The following ERC2 variants were observed in gnomAD, a reference collection of about 807,000 sequenced individuals.
The protein encoded by ERC2 is ELKS/RAB6-interacting/CAST family member 2, also known as ERC protein 2.
In ERC2, 42 loss-of-function variants were observed where a neutral mutation model predicts 114.8. That is an observed-to-expected ratio of 0.37 (90% CI 0.29 to 0.47). ERC2 has a LOEUF of 0.47. Among genes scored for constraint, ERC2 ranks in the 20% least tolerant of loss-of-function variants. ERC2 has a pLI of 0.99. For synonymous variants in ERC2, 454 were observed against 425.5 expected, an observed-to-expected ratio of 1.07 and a Z score of -0.82; for missense variants, 939 against 1,150.7, an observed-to-expected ratio of 0.82 and a Z score of 2.66.
At chr3:55,780,878 T>C (rs1387415250) in intron 14 of ERC2, among the ~76,000 whole-genome samples, 3 of 152,174 alleles carry the variant, frequency 2.0e-5, no homozygotes, top group Non-Finnish European at 4.4e-5. Flanking sequence ...AGCCCTGTGT[T>C]GTGTGATAGC....
At chr3:55,706,340 T>A (rs1286894615) in intron 15 of ERC2, among the ~76,000 whole-genome samples, 2 of 151,924 alleles carry the variant, frequency 1.3e-5, no homozygotes, top group Non-Finnish European at 2.9e-5. Context: ...CTACCTGCAG[T>A]AAAAGCTTGT....
chr3:55,813,266 T>C (rs1174535915), intron 14 of ERC2, among the ~76,000 whole-genome samples: 1 of 152,204 alleles, frequency 6.6e-6, no homozygotes, highest in Non-Finnish European at 1.5e-5. Flanking sequence ...CTAGCCACAC[T>C]GGGCTATTTA....
At chr3:55,625,711 A>G (rs1315606313) in intron 17 of ERC2, among the ~76,000 whole-genome samples, 2 of 152,146 alleles carry the variant, frequency 1.3e-5, no homozygotes, top group Non-Finnish European at 2.9e-5. Context: ...AGATCGCGCC[A>G]CTGCACTCCA....
intron 2 of ERC2, among the ~76,000 whole-genome samples, chr3:56,384,284 T>A (rs2059857568): frequency 6.6e-6 from 1 of 152,182 alleles, no homozygotes; most frequent in Non-Finnish European, 1.5e-5. Context: ...GCCATACTGT[T>A]TTCTGTAGCA....
At chr3:55,884,912 C>T (rs1300235898) in intron 14 of ERC2, among the ~76,000 whole-genome samples, 2 of 152,074 alleles carry the variant, frequency 1.3e-5, no homozygotes, top group Non-Finnish European at 2.9e-5. Flanking sequence ...AATCTTATCC[C>T]TACAAGAGTT....
At chr3:56,077,410 T>C (rs2077024542) in intron 7 of ERC2, among the ~76,000 whole-genome samples, 2 of 152,224 alleles carry the variant, frequency 1.3e-5, no homozygotes, top group Admixed American at 6.5e-5. Context: ...CAACAAGTGA[T>C]ATCATAATCA....
chr3:55,753,205 G>T (rs1465328948), intron 14 of ERC2, among the ~76,000 whole-genome samples: 1 of 152,062 alleles, frequency 6.6e-6, no homozygotes, highest in Non-Finnish European at 1.5e-5. Context: ...GGGGAGAGAA[G>T]TCTGAACCTT....
chr3:56,103,367 T>C (rs1000815101), intron 6 of ERC2, among the ~76,000 whole-genome samples: 1 of 152,138 alleles, frequency 6.6e-6, no homozygotes, highest in East Asian at 1.9e-4. Context: ...TGATCAAATA[T>C]GCCCGCGAGA....
chr3:56,454,762 G>T (rs1393126791), intron 1 of ERC2, among the ~76,000 whole-genome samples: 1 of 150,826 alleles, frequency 6.6e-6, no homozygotes, highest in African/African-American at 2.4e-5. Flanking sequence ...GAGGCACGAG[G>T]ATCACGTGAA....
At chr3:56,305,999 A>G (rs766398920) in intron 2 of ERC2, among the ~76,000 whole-genome samples, 17 of 151,906 alleles carry the variant, frequency 1.1e-4, no homozygotes, top group Non-Finnish European at 2.2e-4. Context: ...ACAGGCATGC[A>G]CCACCATGCT....
intron 10 of ERC2, among the ~76,000 whole-genome samples, chr3:56,004,174 A>T (rs1330767961): frequency 6.6e-6 from 1 of 152,016 alleles, no homozygotes; most frequent in African/African-American, 2.4e-5. Context: ...TTCTCAATTG[A>T]TTTCTAATCA....
At chr3:55,975,802 C>T (rs910595300) in intron 12 of ERC2, among the ~76,000 whole-genome samples, 6 of 152,184 alleles carry the variant, frequency 3.9e-5, no homozygotes, top group Non-Finnish European at 8.8e-5. Flanking sequence ...CAGACAGCCC[C>T]GTTTCTTCTG....
intron 17 of ERC2, among the ~76,000 whole-genome samples, chr3:55,567,536 G>T (rs1024778686): frequency 4.6e-5 from 7 of 152,160 alleles, no homozygotes; most frequent in Admixed American, 4.6e-4. Flanking sequence ...AGCGTATAGA[G>T]ACTACGGTGG....
At chr3:56,044,038 C>T (rs2149668446) in intron 7 of ERC2, among the ~76,000 whole-genome samples, 1 of 152,286 alleles carries the variant, frequency 6.6e-6, no homozygotes, top group East Asian at 1.9e-4. Flanking sequence ...ATCTCACCTG[C>T]AGACAGGCTT....
At chr3:55,531,265 C>G (rs1210698041) in intron 17 of ERC2, among the ~76,000 whole-genome samples, 1 of 152,116 alleles carries the variant, frequency 6.6e-6, no homozygotes, top group African/African-American at 2.4e-5. Flanking sequence ...AGGCAAGACT[C>G]CCATTGGTTA....
chr3:56,381,399 T>C (rs1427576421), intron 2 of ERC2, among the ~76,000 whole-genome samples: 2 of 152,026 alleles, frequency 1.3e-5, no homozygotes, highest in Non-Finnish European at 2.9e-5. Context: ...AATCTGCACG[T>C]ACAAAAAGTT....
At chr3:55,831,384 GAAGGA>G (rs1240721405) in intron 14 of ERC2, among the ~76,000 whole-genome samples, 161 of 67,672 alleles carry the variant, frequency 2.4e-3, no homozygotes, top group East Asian at 5.5e-3. Context: ...GAAGGGAAGG[GAAGGA>G]AGGGGAGGGG....
intron 17 of ERC2, among the ~76,000 whole-genome samples, chr3:55,562,641 T>G (rs72870455): frequency 2.6e-5 from 4 of 152,176 alleles, no homozygotes; most frequent in Non-Finnish European, 5.9e-5. Context: ...TGAGGGTTTG[T>G]GCAACACCAA....
At chr3:55,747,326 C>A (rs1051673292) in intron 14 of ERC2, among the ~76,000 whole-genome samples, 1 of 151,838 alleles carries the variant, frequency 6.6e-6, no homozygotes, top group African/African-American at 2.4e-5. Context: ...TTAAAGAGGT[C>A]ATTTAATGGA....
Sources: gnomAD v4.1 joint callset for allele counts (sites outside exome capture counted in the v4.1 genomes callset) on GRCh38, gnomAD v4.1.1 for gene constraint, MANE v1.5 for transcripts, NCBI Gene and HGNC (gene_info 2026-07-23, HGNC 2026-07-21) for gene names.